Variants in HPSE2 observed in about 807,000 individuals in gnomAD.
HPSE2 encodes the protein heparanase 2 (inactive).
HPSE2 carries 38 observed loss-of-function variants against 60.5 expected under a neutral mutation model. The observed-to-expected ratio is 0.63, with a 90% CI of 0.48 to 0.82. The LOEUF (loss-of-function observed/expected upper bound fraction) is 0.82, where lower values mean the gene tolerates loss of function less well. HPSE2 is among the 40% of genes least tolerant of loss of function. The pLI is 0.00. For synonymous variants in HPSE2, 295 were observed against 293.2 expected, an observed-to-expected ratio of 1.01 and a Z score of -0.06; for missense variants, 713 against 740.4, an observed-to-expected ratio of 0.96 and a Z score of 0.43.
intron 3 of HPSE2, among the ~76,000 whole-genome samples, chr10:99,076,328 T>G (rs922480637): frequency 5.9e-5 from 9 of 152,214 alleles, no homozygotes; most frequent in African/African-American, 2.2e-4. Context: ...CACTTTTACT[T>G]CTCCCTTTAC....
intron 3 of HPSE2, among the ~76,000 whole-genome samples, chr10:98,852,047 C>G (rs1486799209): frequency 6.6e-6 from 1 of 151,532 alleles, no homozygotes; most frequent in Non-Finnish European, 1.5e-5. Flanking sequence ...CAGCAGTTCG[C>G]ACATTCATTT....
chr10:98,528,669 C>T (rs61113894), intron 9 of HPSE2, among the ~76,000 whole-genome samples: 120 of 152,254 alleles, frequency 7.9e-4, no homozygotes, highest in African/African-American at 2.6e-3. Context: ...GAATGAATTT[C>T]GGGACCAAAT....
rs777269780 is a variant in HPSE2 at position 99,235,673 on chromosome 10, T to A, written c.130A>T (p.Arg44Trp). 1.2e-6 allele frequency: 2 copies of A among 1,614,024 alleles called. No homozygotes were observed. The highest frequency in any genetic ancestry group is 1.7e-6 in the Non-Finnish European group (2 of 1,180,002). Residue 44 changes from arginine (R) to tryptophan (W), a missense_variant, in exon 1 of 12, where the codon AGG (arginine) becomes TGG (tryptophan). By Grantham distance (101) the Arg-to-Trp change is moderately radical. Transcript: ENST00000370552. ...HLSLSSQAGDRRPLPVDRAAG... is the reference protein window; with the variant it reads ...HLSLSSQAGDWRPLPVDRAAG... The stretch of plus-strand genomic sequence containing the variant: ...GCTCTGTCTACAGGCAAGGGTCTCC[T>A]GTCTCCAGCCTGGGAGGAAAGGGAG...
At chr10:99,030,100 T>C (rs577174129) in intron 3 of HPSE2, among the ~76,000 whole-genome samples, 4 of 152,352 alleles carry the variant, frequency 2.6e-5, no homozygotes, top group East Asian at 3.9e-4. Flanking sequence ...CTGTATGGCC[T>C]GGTTTTTCCT....
Position 98,459,496 on chromosome 10 carries a change from A to G in HPSE2, c.*78T>C, listed in dbSNP as rs1940181780. ...CAGGGGCTGGTTGCTAGGATGTCTG[A>G]AAACAGAGGATACTACTGGAGTGGA... is the stretch of plus-strand genomic sequence containing the variant. On this transcript the variant is annotated 3_prime_UTR_variant, in exon 12 of 12. Transcript: ENST00000370552. 2 of 1,495,326 alleles carry G rather than the reference A, an allele frequency of 1.3e-6. No individual in the cohort carries two copies. The highest frequency in any genetic ancestry group is 2.3e-5 in the East Asian group (1 of 44,236). 92.6% of individuals were successfully genotyped at this position (1,495,326 alleles called of 1,614,324 possible). A position where few individuals can be genotyped will look rare whatever the true frequency, so the allele number is the denominator to read the frequency against.
intron 6 of HPSE2, among the ~76,000 whole-genome samples, chr10:98,673,029 G>T (rs573198755): frequency 1.3e-5 from 2 of 152,244 alleles, no homozygotes; most frequent in African/African-American, 4.8e-5. Context: ...TGAAATCAGC[G>T]TTCTGAGGGT....
chr10:99,100,882 C>T (rs535543330), intron 3 of HPSE2, among the ~76,000 whole-genome samples: 1 of 152,210 alleles, frequency 6.6e-6, no homozygotes, highest in South Asian at 2.1e-4. Context: ...ATTTCATATC[C>T]AGCCAAACTA....
chr10:98,797,437 G>C (rs990136017), intron 3 of HPSE2, among the ~76,000 whole-genome samples: 2 of 152,080 alleles, frequency 1.3e-5, no homozygotes, highest in East Asian at 3.9e-4. Context: ...TACAGTCAGA[G>C]GATACAAAAG....
chr10:98,808,558 T>G (rs901899926), intron 3 of HPSE2, among the ~76,000 whole-genome samples: 6 of 152,128 alleles, frequency 3.9e-5, no homozygotes, highest in Non-Finnish European at 7.4e-5. Flanking sequence ...AACTAACACT[T>G]AGGAGAGTTT....
intron 3 of HPSE2, among the ~76,000 whole-genome samples, chr10:98,773,434 T>C (rs1950280768): frequency 6.6e-6 from 1 of 152,188 alleles, no homozygotes; most frequent in African/African-American, 2.4e-5. Context: ...TTAGGATATA[T>C]AGCAGTGATC....
At chr10:99,227,785 T>C (rs1849517463) in intron 2 of HPSE2, among the ~76,000 whole-genome samples, 1 of 149,982 alleles carries the variant, frequency 6.7e-6, no homozygotes, top group Admixed American at 6.7e-5. Context: ...ATTTGCATTC[T>C]AGATGGAAAG....
intron 3 of HPSE2, among the ~76,000 whole-genome samples, chr10:98,774,559 C>T (rs1950302143): frequency 6.6e-6 from 1 of 152,148 alleles, no homozygotes; most frequent in African/African-American, 2.4e-5. Context: ...CTATTCATCC[C>T]AACCCCCTTC....
rs1359161202 is a variant in HPSE2 at position 98,537,560 on chromosome 10, G to A, written c.1321-47364C>T. On this transcript the variant is annotated intron_variant, in intron 9 of 11. Coordinates refer to ENST00000370552, the MANE Select transcript of HPSE2 (RefSeq NM_021828.5). ...CTAATATAACCTAGGAATAACCGGC[G>A]GGTATAGGGTCAGGTGCTGAAGGGG... 3.3e-5 allele frequency among the ~76,000 whole-genome samples: 5 copies of A among 152,134 alleles called. No individual in the cohort carries two copies. The East Asian group carries it at 5.8e-4, about 18-fold the overall frequency.
intron 6 of HPSE2, among the ~76,000 whole-genome samples, chr10:98,681,229 C>T (rs961130717): frequency 6.6e-6 from 1 of 152,000 alleles, no homozygotes; most frequent in Non-Finnish European, 1.5e-5. Context: ...AAAATTTGAG[C>T]TGTTAAGTGA....
rs1229094129 is a variant in HPSE2 at position 98,519,106 on chromosome 10, T to C, written c.1321-28910A>G. 2.6e-5 allele frequency among the ~76,000 whole-genome samples: 4 copies of C among 152,202 alleles called. No individual in the cohort carries two copies. The East Asian group carries it at 7.7e-4, about 29-fold the overall frequency. On this transcript the variant is annotated intron_variant, in intron 9 of 11. Transcript: ENST00000370552. ...GACCACTTATGTATGTGCCAGAAAGTCTCACATTCGGGCTAGGAGCAAGGC... is the reference window on the plus strand; with the variant it reads ...GACCACTTATGTATGTGCCAGAAAGCCTCACATTCGGGCTAGGAGCAAGGC...
At chr10:98,981,170 T>G (rs1233279220) in intron 3 of HPSE2, among the ~76,000 whole-genome samples, 1 of 152,174 alleles carries the variant, frequency 6.6e-6, no homozygotes, top group East Asian at 1.9e-4. Context: ...TAACCAGGTT[T>G]TGAATAAAAT....
Position 98,459,512 on chromosome 10 carries a change from C to G in HPSE2, c.*62G>C. ...GGATGTCTGAAAACAGAGGATACTACTGGAGTGGAGGAGTGGAAGCAGCCC... is the reference window on the plus strand; with the variant it reads ...GGATGTCTGAAAACAGAGGATACTAGTGGAGTGGAGGAGTGGAAGCAGCCC... On this transcript the variant is annotated 3_prime_UTR_variant, in exon 12 of 12. Coordinates refer to ENST00000370552, the MANE Select transcript of HPSE2 (RefSeq NM_021828.5). 6.5e-7 allele frequency: 1 copy of G among 1,547,000 alleles called. No homozygotes were observed. Among genetic ancestry groups the G allele is most frequent in the Admixed American group, 1.7e-5 (1 of 59,920 alleles).
intron 3 of HPSE2, among the ~76,000 whole-genome samples, chr10:98,768,549 T>C (rs1950174494): frequency 6.6e-6 from 1 of 152,200 alleles, no homozygotes; most frequent in African/African-American, 2.4e-5. Context: ...GATCTTGTAG[T>C]TTTCAAGTTT....
At chr10:98,608,652 T>C (rs1043172363) in intron 9 of HPSE2, among the ~76,000 whole-genome samples, 1 of 152,208 alleles carries the variant, frequency 6.6e-6, no homozygotes, top group Non-Finnish European at 1.5e-5. Flanking sequence ...TGATTGATCC[T>C]GCAGCCAAGG....
Sources: gnomAD v4.1 joint callset for allele counts (sites outside exome capture counted in the v4.1 genomes callset) on GRCh38, gnomAD v4.1.1 for gene constraint, MANE v1.5 for transcripts, NCBI Gene and HGNC (gene_info 2026-07-23, HGNC 2026-07-21) for gene names.